The following PLA2G2F variants were observed in gnomAD, a reference collection of about 807,000 sequenced individuals.
PLA2G2F encodes the protein group IIF secretory phospholipase A2.
PLA2G2F carries 17 observed loss-of-function variants against 15.9 expected under a neutral mutation model. The observed-to-expected ratio is 1.07, with a 90% confidence interval of 0.73 to 1.60. The LOEUF (loss-of-function observed/expected upper bound fraction) is 1.60, where lower values mean the gene tolerates loss of function less well. PLA2G2F is among the 40% of genes most tolerant of loss of function. The pLI, the probability that PLA2G2F is intolerant of heterozygous loss-of-function variation, is 0.00. For synonymous variants in PLA2G2F, 119 were observed against 106.5 expected, an observed-to-expected ratio of 1.12 and a Z score of -0.72; for missense variants, 299 against 278.2, an observed-to-expected ratio of 1.07 and a Z score of -0.53.
chr1:20,139,996 C>T (rs1475331523), intron 1 of PLA2G2F, among the ~76,000 whole-genome samples, 170 bp from the exon 2 acceptor site: 1 of 152,126 alleles, frequency 6.6e-6, no homozygotes, highest in Non-Finnish European at 1.5e-5. Flanking sequence ...GGGGTGCGCT[C>T]CTCCAGGAGG....
chr1:20,141,742 C>T (rs1000157925), intron 2 of PLA2G2F: 2 of 152,214 alleles, frequency 1.3e-5, no homozygotes, highest in Non-Finnish European at 2.9e-5. Flanking sequence ...CCTTCATGAT[C>T]ACACTTCAAC....
At chr1:20,143,646 C>A in intron 3 of PLA2G2F, 56 bp downstream of exon 3, 1 of 1,587,290 alleles carries the variant, frequency 6.3e-7, no homozygotes, top group Non-Finnish European at 8.6e-7. Context: ...AGCTGAAGGT[C>A]AGACTGACCT....
chr1:20,139,533 A>G lies in PLA2G2F; in HGVS notation c.106A>G (p.Arg36Gly). The G allele has an allele frequency of 1.9e-6, 3 of 1,542,160 alleles. No homozygotes were observed. Among genetic ancestry groups the G allele is most frequent in the Non-Finnish European group, 2.6e-6 (3 of 1,142,548 alleles). Residue 36 changes from arginine (R) to glycine (G), a missense_variant, in exon 1 of 5, where the codon AGA becomes GGA. Transcript: ENST00000375102. ...ACGCTTCGGGGCCTCCTGTCCTTCAAGAACCTCCAGGTAGGTGCCTGTTGC... is the reference window on the plus strand; with the variant it reads ...ACGCTTCGGGGCCTCCTGTCCTTCAGGAACCTCCAGGTAGGTGCCTGTTGC... ...GPRFGASCPS[R>G]TSRSSLGMKK...
chr1:20,148,488 A>AACCCTCAGGCTCCTG lies in PLA2G2F; in HGVS notation c.*87_*88insACCCTCAGGCTCCTG. ...CAGGGAGGGTAGGAGCCAGGCCAGG[A>AACCCTCAGGCTCCTG]GCCTGAGGGTTGCTGGTTGCCTCCT... On this transcript the variant is annotated 3_prime_UTR_variant, in exon 5 of 5. Transcript: ENST00000375102. The AACCCTCAGGCTCCTG allele has an allele frequency of 8.6e-7, 1 of 1,156,510 alleles. No individual in the cohort carries two copies. Among genetic ancestry groups the AACCCTCAGGCTCCTG allele is most frequent in the Non-Finnish European group, 1.2e-6 (1 of 801,246 alleles). 71.6% of individuals were successfully genotyped at this position (1,156,510 alleles called of 1,614,324 possible). A position where few individuals can be genotyped will look rare whatever the true frequency, so the allele number is the denominator to read the frequency against.
At chr1:20,141,927 C>G (rs1462610034) in intron 2 of PLA2G2F, 1 of 152,210 alleles carries the variant, frequency 6.6e-6, no homozygotes, top group African/African-American at 2.4e-5. Context: ...CCCAGGGAGT[C>G]CCAGCTGGGC....
intron 3 of PLA2G2F, chr1:20,143,821 C>T: frequency 1.9e-6 from 1 of 524,154 alleles, no homozygotes; most frequent in Non-Finnish European, 3.4e-6. Flanking sequence ...GTTTCAGCCC[C>T]TCCTCTCTCT....
chr1:20,143,378 G>A (rs939589039), intron 2 of PLA2G2F, 68 bp from the exon 3 acceptor site: 71 of 1,570,104 alleles, frequency 4.5e-5, no homozygotes, highest in Non-Finnish European at 5.8e-5. Context: ...CAGACTCTCA[G>A]GATGAGAGAG....
chr1:20,139,944 T>TG (rs1553181569), intron 1 of PLA2G2F, among the ~76,000 whole-genome samples: 1 of 151,234 alleles, frequency 6.6e-6, no homozygotes, highest in Non-Finnish European at 1.5e-5. Flanking sequence ...CCTGCCAGAG[T>TG]GGGGGGCAAG....
chr1:20,140,350 C>A, intron 2 of PLA2G2F, 132 bp downstream of exon 2: 3 of 969,998 alleles, frequency 3.1e-6, no homozygotes, highest in Non-Finnish European at 4.5e-6. Flanking sequence ...TGCTTCTTGT[C>A]TCAGCCCAGC....
chr1:20,148,116 C>T, intron 4 of PLA2G2F, 74 bp from the exon 5 acceptor site: 2 of 1,263,740 alleles, frequency 1.6e-6, no homozygotes, highest in Admixed American at 1.7e-5. Context: ...TGTGTGCTCC[C>T]CTTCCCCAGC....
intron 2 of PLA2G2F, 67 bp from the exon 3 acceptor site, chr1:20,143,379 G>A (rs1447321990): frequency 1.3e-6 from 2 of 1,570,978 alleles, no homozygotes; most frequent in South Asian, 1.2e-5. Flanking sequence ...AGACTCTCAG[G>A]ATGAGAGAGG....
intron 4 of PLA2G2F, among the ~76,000 whole-genome samples, chr1:20,147,094 T>C (rs1465316040): frequency 6.6e-6 from 1 of 152,174 alleles, no homozygotes; most frequent in African/African-American, 2.4e-5. Context: ...GTAGAAGGTA[T>C]GAAAAGTTTG....
intron 2 of PLA2G2F, 122 bp from the exon 3 acceptor site, chr1:20,143,324 C>A: frequency 1.5e-6 from 2 of 1,316,716 alleles, no homozygotes; most frequent in Non-Finnish European, 2.1e-6. Flanking sequence ...CTGCTTTCTC[C>A]TTCCTTCTCC....
At chr1:20,142,382 T>A (rs1399660874) in intron 2 of PLA2G2F, 3 of 152,278 alleles carry the variant, frequency 2.0e-5, no homozygotes, top group Non-Finnish European at 4.4e-5. Context: ...ACCCATAAAA[T>A]CGTGATAGAT....
intron 4 of PLA2G2F, among the ~76,000 whole-genome samples, chr1:20,145,591 G>A (rs1331648576): frequency 6.6e-6 from 1 of 151,382 alleles, no homozygotes; most frequent in Admixed American, 6.6e-5. Flanking sequence ...AACATGTACT[G>A]TTTACCTGAA....
intron 2 of PLA2G2F, chr1:20,142,191 G>GC (rs989445937): frequency 5.9e-5 from 9 of 152,636 alleles, no homozygotes; most frequent in African/African-American, 2.2e-4. Context: ...GCTGAGCTAG[G>GC]CCCCTCACGC....
At position 20,139,531 on chromosome 1, in the gene PLA2G2F, C is replaced by T; in HGVS notation, c.104C>T (p.Ser35Leu). 6.5e-7 allele frequency: 1 copy of T among 1,542,606 alleles called. No homozygotes were observed. Among genetic ancestry groups the T allele is most frequent in the Non-Finnish European group, 8.8e-7 (1 of 1,142,792 alleles). The stretch of plus-strand genomic sequence containing the variant: ...CCACGCTTCGGGGCCTCCTGTCCTT[C>T]AAGAACCTCCAGGTAGGTGCCTGTT... Reference protein sequence around the residue: ...RGPRFGASCPSRTSRSSLGMK... With the variant: ...RGPRFGASCPLRTSRSSLGMK... The change falls in exon 1 of 5, where the codon TCA becomes TTA. Residue 35 changes from serine to leucine, a missense_variant. By Grantham distance (145) the Ser-to-Leu change is moderately radical (BLOSUM62 -2). Transcript: ENST00000375102.
chr1:20,148,255 C>G lies in PLA2G2F; in HGVS notation c.490C>G (p.Leu164Val), dbSNP rs2017652784. The change falls in exon 5 of 5, where the codon CTC becomes GTC. Residue 164 changes from leucine (L) to valine (V), a missense_variant. Leu to Val is a conservative substitution (Grantham distance 32, BLOSUM62 1). Coordinates refer to ENST00000375102, the MANE Select transcript of PLA2G2F (RefSeq NM_022819.4). Reference sequence around the variant, plus strand: ...GTGTGACAAGAACATGGTTCTGTGCCTCATGAACCAGACGTACCGAGAGGA... The same window carrying G: ...GTGTGACAAGAACATGGTTCTGTGCGTCATGAACCAGACGTACCGAGAGGA... ...CMCDKNMVLC[L>V]MNQTYREEYR... The G allele has an allele frequency of 6.2e-7, 1 of 1,613,988 alleles. No homozygotes were observed. The highest frequency in any genetic ancestry group is 8.5e-7 in the Non-Finnish European group (1 of 1,180,016).
At chr1:20,146,302 G>T (rs2017604591) in intron 4 of PLA2G2F, among the ~76,000 whole-genome samples, 1 of 152,210 alleles carries the variant, frequency 6.6e-6, no homozygotes, top group Non-Finnish European at 1.5e-5. Flanking sequence ...CCACTGAGGG[G>T]TTTGGATCAG....
Sources: gnomAD v4.1 joint callset for allele counts (sites outside exome capture counted in the v4.1 genomes callset) on GRCh38, gnomAD v4.1.1 for gene constraint, MANE v1.5 for transcripts, NCBI Gene and HGNC (gene_info 2026-07-23, HGNC 2026-07-21) for gene names.